Variants in EPHA5 observed in about 807,000 individuals in gnomAD.
EPHA5 encodes the protein EPH receptor A5.
In EPHA5, 60 loss-of-function variants were observed where a neutral mutation model predicts 105.0. The ratio of observed to expected loss-of-function variants is 0.57; its 90% CI spans 0.46 to 0.71. EPHA5 has a LOEUF of 0.71. Ranked by LOEUF, EPHA5 falls within the 30% of genes least tolerant of loss-of-function variation. EPHA5 has a pLI of 0.00. For missense variants in EPHA5, 1,218 were observed against 1,274.7 expected (o/e 0.96, Z 0.68); for synonymous variants, 513 against 449.1 (o/e 1.14, Z -1.80).
chr4:65,510,159 C>T (rs142047941), intron 3 of EPHA5, among the ~76,000 whole-genome samples: 7 of 151,592 alleles, frequency 4.6e-5, no homozygotes, highest in East Asian at 1.9e-4. Context: ...CTCAGCCTCC[C>T]GAGTAGCTGG....
intron 3 of EPHA5, among the ~76,000 whole-genome samples, chr4:65,521,854 T>C (rs894680450): frequency 9.2e-5 from 14 of 152,140 alleles, no homozygotes; most frequent in Middle Eastern, 3.4e-3. Flanking sequence ...AAACATGTTA[T>C]AAAGTAGGTG....
In EPHA5 at chr4:65,584,720, A is replaced by T. The variant is rs188995402; in HGVS notation, c.910+16921T>A. Among the ~76,000 whole-genome samples the T allele has an allele frequency of 8.6e-4, 131 of 152,020 alleles. 1 individual carries two copies. Among genetic ancestry groups the T allele is most frequent in the African/African-American group, 2.9e-3 (121 of 41,526 alleles). On this transcript the variant is annotated intron_variant, in intron 3 of 16. Coordinates refer to ENST00000613740, the MANE Select transcript of EPHA5 (RefSeq NM_001281766.3). ...TGTGGACATGTACATTTTTAATGGA[A>T]ATATTTAGTATTTGAATCAGTCTCT...
intron 3 of EPHA5, among the ~76,000 whole-genome samples, chr4:65,511,118 C>A (rs73822190): frequency 1.1e-3 from 172 of 152,204 alleles, no homozygotes; most frequent in African/African-American, 4.1e-3. Context: ...TGGTCTTGGA[C>A]TTTCTAGACT....
chr4:65,496,136 T>C lies in EPHA5; in HGVS notation c.911-593A>G, dbSNP rs181995218. On this transcript the variant is annotated intron_variant, in intron 3 of 16. Transcript: ENST00000613740. The stretch of plus-strand genomic sequence containing the variant: ...TTTACTTCATTTTAGAACTTTTCTT[T>C]GAGACACCTACTGATTCAACATTTA... Among the ~76,000 whole-genome samples, 671 of 152,314 alleles carry C rather than the reference T, an allele frequency of 4.4e-3. 5 individuals carry two copies. The highest frequency in any genetic ancestry group is 0.015 in the African/African-American group (642 of 41,578).
At chr4:65,601,605 C>G (rs2149436426) in intron 3 of EPHA5, 36 bp downstream of exon 3, 1 of 1,587,130 alleles carries the variant, frequency 6.3e-7, no homozygotes, top group Non-Finnish European at 8.6e-7. Context: ...CCAACTGAAG[C>G]AGACAGCCCC....
chr4:65,509,613 C>T (rs973191242), intron 3 of EPHA5, among the ~76,000 whole-genome samples: 4 of 152,072 alleles, frequency 2.6e-5, no homozygotes, highest in Non-Finnish European at 4.4e-5. Flanking sequence ...AAGCATATTC[C>T]TTTTCCATTG....
At chr4:65,583,550 A>G (rs1741844067) in intron 3 of EPHA5, among the ~76,000 whole-genome samples, 1 of 151,740 alleles carries the variant, frequency 6.6e-6, no homozygotes, top group African/African-American at 2.4e-5. Flanking sequence ...GAAAAACAAC[A>G]ATTTGTAGTT....
At chr4:65,555,454 T>C (rs1738335426) in intron 3 of EPHA5, among the ~76,000 whole-genome samples, 1 of 151,856 alleles carries the variant, frequency 6.6e-6, no homozygotes, top group Non-Finnish European at 1.5e-5. Context: ...GGTACTAAGC[T>C]TAATACCTGG....
At chr4:65,547,232 C>T (rs1341913339) in intron 3 of EPHA5, among the ~76,000 whole-genome samples, 2 of 150,646 alleles carry the variant, frequency 1.3e-5, no homozygotes, top group Non-Finnish European at 2.9e-5. Context: ...ACCCTGTGGA[C>T]TTCCCTGCTA....
At chr4:65,481,540 T>C (rs1730364155) in intron 5 of EPHA5, among the ~76,000 whole-genome samples, 1 of 152,202 alleles carries the variant, frequency 6.6e-6, no homozygotes, top group African/African-American at 2.4e-5. Context: ...AGTCCATACT[T>C]TATTTAAGGT....
At chr4:65,332,721 C>T (rs1163154023) in intron 15 of EPHA5, among the ~76,000 whole-genome samples, 1 of 151,728 alleles carries the variant, frequency 6.6e-6, no homozygotes, top group Non-Finnish European at 1.5e-5. Flanking sequence ...CTCTAAAAAT[C>T]AGTCTACTAA....
At chr4:65,391,610 G>A (rs1168615415) in intron 8 of EPHA5, among the ~76,000 whole-genome samples, 1 of 152,092 alleles carries the variant, frequency 6.6e-6, no homozygotes, top group Non-Finnish European at 1.5e-5. Context: ...CTGGGTATCA[G>A]GTTCCTGTGA....
At chr4:65,527,546 A>T (rs1478817979) in intron 3 of EPHA5, among the ~76,000 whole-genome samples, 1 of 152,098 alleles carries the variant, frequency 6.6e-6, no homozygotes, top group African/African-American at 2.4e-5. Flanking sequence ...AAGAATGAAA[A>T]ATGTCTTAAG....
Position 65,429,961 on chromosome 4 carries a change from G to A in EPHA5, c.1403-9396C>T, listed in dbSNP as rs111538436. Reference sequence around the variant, plus strand: ...CATCATTTCTAACAGCAACATGACAGCCTGGAACTAGAGAAAATACAGGAT... The same window carrying A: ...CATCATTTCTAACAGCAACATGACAACCTGGAACTAGAGAAAATACAGGAT... On this transcript the variant is annotated intron_variant, in intron 5 of 16. Coordinates refer to ENST00000613740, the MANE Select transcript of EPHA5 (RefSeq NM_001281766.3). Among the ~76,000 whole-genome samples the A allele has an allele frequency of 1.3e-3, 200 of 152,090 alleles. 1 individual carries two copies. Among genetic ancestry groups the A allele is most frequent in the African/African-American group, 4.5e-3 (188 of 41,516 alleles).
chr4:65,382,387 C>A (rs1407709293), intron 8 of EPHA5, among the ~76,000 whole-genome samples: 1 of 151,450 alleles, frequency 6.6e-6, no homozygotes, highest in East Asian at 1.9e-4. Flanking sequence ...AGTTCTTCCT[C>A]CACGAATGCC....
At chr4:65,564,763 G>A (rs930749739) in intron 3 of EPHA5, among the ~76,000 whole-genome samples, 2 of 151,702 alleles carry the variant, frequency 1.3e-5, no homozygotes, top group African/African-American at 2.4e-5. Flanking sequence ...ATTAAGCAAT[G>A]TATTTGTATT....
intron 11 of EPHA5, among the ~76,000 whole-genome samples, chr4:65,363,686 G>A (rs1230792524): frequency 6.6e-6 from 1 of 151,412 alleles, no homozygotes; most frequent in Non-Finnish European, 1.5e-5. Flanking sequence ...TAAGAACTAT[G>A]TTTTATATTA....
intron 6 of EPHA5, among the ~76,000 whole-genome samples, chr4:65,414,764 G>C (rs1312656249): frequency 6.7e-6 from 1 of 148,946 alleles, no homozygotes; most frequent in Non-Finnish European, 1.5e-5. Context: ...TTTTAGTATT[G>C]TTATTTTTGT....
At chr4:65,417,680 A>G (rs533136103) in intron 6 of EPHA5, among the ~76,000 whole-genome samples, 4 of 152,176 alleles carry the variant, frequency 2.6e-5, no homozygotes, top group Non-Finnish European at 5.9e-5. Context: ...ATTAAATTTG[A>G]ACTATTAAAT....
Sources: allele counts gnomAD v4.1 joint callset (sites outside exome capture counted in the v4.1 genomes callset), GRCh38; gene constraint gnomAD v4.1.1; transcripts MANE v1.5; gene names NCBI Gene and HGNC (gene_info 2026-07-23, HGNC 2026-07-21).